The following RAP1GAP2 variants were observed in gnomAD, a reference collection of about 807,000 sequenced individuals.
RAP1GAP2 encodes RAP1 GTPase activating protein 2.
In RAP1GAP2, 27 loss-of-function variants were observed where a neutral mutation model predicts 95.0. The observed-to-expected ratio is 0.28, with a 90% CI of 0.21 to 0.39. RAP1GAP2 has a LOEUF of 0.39. RAP1GAP2 is among the 10% of genes least tolerant of loss of function. RAP1GAP2 has a pLI of 1.00. For missense variants in RAP1GAP2, 771 were observed against 970.0 expected, an observed-to-expected ratio of 0.79 and a Z score of 2.72; for synonymous variants, 373 against 380.9, an observed-to-expected ratio of 0.98 and a Z score of 0.24.
chr17:2,819,540 C>T (rs1321546689), intron 2 of RAP1GAP2, among the ~76,000 whole-genome samples: 1 of 151,832 alleles, frequency 6.6e-6, no homozygotes, highest in Admixed American at 6.6e-5. Context: ...GTGGTGCAAT[C>T]TCGGCTCATT....
At chr17:2,879,232 C>T (rs932646899) in intron 2 of RAP1GAP2, among the ~76,000 whole-genome samples, 4 of 152,016 alleles carry the variant, frequency 2.6e-5, no homozygotes, top group Non-Finnish European at 4.4e-5. Context: ...TTTCCTGCCT[C>T]GGCCTCCCAA....
chr17:2,842,031 G>C (rs117812314), intron 2 of RAP1GAP2, among the ~76,000 whole-genome samples: 1 of 152,168 alleles, frequency 6.6e-6, no homozygotes, highest in Non-Finnish European at 1.5e-5. Context: ...TCTGAAAGGC[G>C]GTGCCAGGTA....
chr17:2,919,371 T>G (rs1244536018), intron 3 of RAP1GAP2, among the ~76,000 whole-genome samples: 1 of 152,226 alleles, frequency 6.6e-6, no homozygotes, highest in Admixed American at 6.5e-5. Context: ...TTTTTGGGAC[T>G]AGACTGAGTC....
intron 2 of RAP1GAP2, among the ~76,000 whole-genome samples, chr17:2,875,897 G>A (rs544884040): frequency 3.9e-4 from 59 of 151,434 alleles, no homozygotes; most frequent in Admixed American, 6.6e-4. Flanking sequence ...CCTTCCTGTA[G>A]CCTTCCCCAG....
At chr17:2,877,854 T>C (rs910149577) in intron 2 of RAP1GAP2, among the ~76,000 whole-genome samples, 2 of 152,104 alleles carry the variant, frequency 1.3e-5, no homozygotes, top group Admixed American at 1.3e-4. Flanking sequence ...TATGATCAGG[T>C]TGACATTTTG....
intron 1 of RAP1GAP2, among the ~76,000 whole-genome samples, chr17:2,777,488 C>T (rs143282876): frequency 1.6e-3 from 240 of 152,214 alleles, no homozygotes; most frequent in African/African-American, 5.4e-3. Context: ...ATCCTCATTT[C>T]CAGAGGCCTG....
intron 2 of RAP1GAP2, among the ~76,000 whole-genome samples, chr17:2,832,277 G>C (rs531819012): frequency 9.3e-5 from 14 of 150,424 alleles, no homozygotes; most frequent in African/African-American, 2.9e-4. Context: ...ATAAAGTCTC[G>C]GCCGGGCGCG....
chr17:2,930,111 A>G (rs1035312263), intron 3 of RAP1GAP2, among the ~76,000 whole-genome samples: 7 of 152,230 alleles, frequency 4.6e-5, no homozygotes, highest in African/African-American at 1.7e-4. Flanking sequence ...GTAAGAGGCC[A>G]GGGCTCTCTT....
At chr17:2,992,403 G>A (rs2045794582) in intron 12 of RAP1GAP2, among the ~76,000 whole-genome samples, 1 of 151,666 alleles carries the variant, frequency 6.6e-6, no homozygotes, top group East Asian at 2.0e-4. Context: ...CTCATGATCC[G>A]CCCGTCTGGG....
chr17:2,858,583 A>G (rs758556686), intron 2 of RAP1GAP2, among the ~76,000 whole-genome samples: 1 of 152,134 alleles, frequency 6.6e-6, no homozygotes, highest in Admixed American at 6.6e-5. Flanking sequence ...AGATCATTTC[A>G]TTCTTAAATA....
At chr17:2,984,674 C>G (rs567201468) in intron 10 of RAP1GAP2, among the ~76,000 whole-genome samples, 1 of 152,258 alleles carries the variant, frequency 6.6e-6, no homozygotes, top group African/African-American at 2.4e-5. Context: ...ACAGATTCAA[C>G]ACTAGGGTTA....
chr17:3,013,178 C>G (rs1262114655), intron 17 of RAP1GAP2, among the ~76,000 whole-genome samples: 1 of 152,216 alleles, frequency 6.6e-6, no homozygotes, highest in Non-Finnish European at 1.5e-5. Context: ...GGGGCCACAG[C>G]TATCCCTGGC....
chr17:2,936,399 G>T (rs1436628985), intron 3 of RAP1GAP2, among the ~76,000 whole-genome samples: 1 of 151,516 alleles, frequency 6.6e-6, no homozygotes, highest in Non-Finnish European at 1.5e-5. Context: ...CCTGCCAGGG[G>T]CTGTGGGCCT....
intron 2 of RAP1GAP2, among the ~76,000 whole-genome samples, chr17:2,880,498 G>A (rs757891133): frequency 7.0e-4 from 103 of 147,588 alleles, no homozygotes; most frequent in South Asian, 1.7e-3. Flanking sequence ...CACACACAGT[G>A]TCTCACTTGA....
At chr17:2,844,255 C>T (rs542338860) in intron 2 of RAP1GAP2, among the ~76,000 whole-genome samples, 161 of 152,136 alleles carry the variant, frequency 1.1e-3, no homozygotes, top group African/African-American at 3.6e-3. Context: ...CCCCTGACCT[C>T]GTGATCTGCC....
chr17:2,865,407 G>A (rs1435296371), intron 2 of RAP1GAP2, among the ~76,000 whole-genome samples: 2 of 152,172 alleles, frequency 1.3e-5, no homozygotes, highest in South Asian at 2.1e-4. Context: ...CTAGAGCAGG[G>A]AAAGGTCTGT....
chr17:2,958,150 C>T (rs1161283181), intron 4 of RAP1GAP2, among the ~76,000 whole-genome samples: 1 of 151,808 alleles, frequency 6.6e-6, no homozygotes, highest in African/African-American at 2.4e-5. Flanking sequence ...GAGGAGTCAT[C>T]TTGCATAGGG....
At chr17:2,874,661 T>G (rs1420471035) in intron 2 of RAP1GAP2, among the ~76,000 whole-genome samples, 2 of 152,032 alleles carry the variant, frequency 1.3e-5, no homozygotes, top group African/African-American at 4.8e-5. Flanking sequence ...CTGGAGGAAA[T>G]GAGACGGTAG....
At chr17:2,983,409 T>A (rs2045444833) in intron 10 of RAP1GAP2, among the ~76,000 whole-genome samples, 1 of 152,114 alleles carries the variant, frequency 6.6e-6, no homozygotes, top group Non-Finnish European at 1.5e-5. Flanking sequence ...GTTGACATGC[T>A]TCAGTTGGGT....
Sources: gnomAD v4.1 joint callset for allele counts (sites outside exome capture counted in the v4.1 genomes callset) on GRCh38, gnomAD v4.1.1 for gene constraint, MANE v1.5 for transcripts, NCBI Gene and HGNC (gene_info 2026-07-23, HGNC 2026-07-21) for gene names.